ACACB: variants seen among roughly 807,000 people sequenced by gnomAD.
ACACB encodes acetyl-CoA carboxylase 2.
ACACB carries 209 observed loss-of-function variants against 278.8 expected under a neutral mutation model. That is an observed-to-expected ratio of 0.75 (90% CI 0.67 to 0.84). The LOEUF is 0.84. Ranked by LOEUF, ACACB falls within the 40% of genes least tolerant of loss-of-function variation. The pLI, the probability that ACACB is intolerant of heterozygous loss-of-function variation, is 0.00. For synonymous variants in ACACB, 1,174 were observed against 1,285.6 expected, an observed-to-expected ratio of 0.91 and a Z score of 1.86; for missense variants, 2,850 against 3,269.0, an observed-to-expected ratio of 0.87 and a Z score of 3.13.
Position 109,172,226 on chromosome 12 carries a change from G to A in ACACB, c.1036-49G>A, listed in dbSNP as rs772962569. The A allele has an allele frequency of 4.5e-6, 7 of 1,569,694 alleles. No homozygotes were observed. In the Admixed American group the frequency reaches 5.0e-5, roughly 11 times the overall value. On this transcript the variant is annotated intron_variant, in intron 5 of 52. Coordinates refer to ENST00000338432, the MANE Select transcript of ACACB (RefSeq NM_001093.4). ...CGTGAGTTACTGCACCTGGCTGGGA[G>A]GCATATTCTTGAAGGAAGATTGTTG...
At chr12:109,198,017 TCCC>T (rs1196346490) in intron 17 of ACACB, among the ~76,000 whole-genome samples, 1 of 151,950 alleles carries the variant, frequency 6.6e-6, no homozygotes, top group Non-Finnish European at 1.5e-5. Context: ...CCCACCTCAG[TCCC>T]CCAAGTTGCT....
intron 2 of ACACB, among the ~76,000 whole-genome samples, chr12:109,161,579 T>C (rs2043723119): frequency 6.6e-6 from 1 of 152,000 alleles, no homozygotes; most frequent in Admixed American, 6.6e-5. Context: ...GAAATAATTA[T>C]ATCAAAAGAC....
At chr12:109,170,467 A>G (rs2044073991) in intron 4 of ACACB, among the ~76,000 whole-genome samples, 1 of 152,216 alleles carries the variant, frequency 6.6e-6, no homozygotes, top group African/African-American at 2.4e-5. Flanking sequence ...AGCCTTAAAA[A>G]GGAAGGAAAT....
chr12:109,210,471 A>G (rs1463920558), intron 21 of ACACB, among the ~76,000 whole-genome samples: 2 of 147,924 alleles, frequency 1.4e-5, no homozygotes, highest in African/African-American at 2.5e-5. Flanking sequence ...ATACGCACAT[A>G]CATGTGTATA....
intron 13 of ACACB, chr12:109,191,410 C>T (rs1025562242): frequency 1.5e-5 from 7 of 476,364 alleles, no homozygotes; most frequent in Admixed American, 3.5e-5. Flanking sequence ...GATGGGGTTT[C>T]GCCATGTTGG....
intron 40 of ACACB, among the ~76,000 whole-genome samples, chr12:109,247,904 G>A (rs2046991903): frequency 6.6e-6 from 1 of 152,180 alleles, no homozygotes; most frequent in Admixed American, 6.5e-5. Context: ...TAAAATGAGT[G>A]ACTCCTTTCA....
chr12:109,234,094 G>T (rs1286524016), intron 31 of ACACB, 49 bp downstream of exon 31: 1 of 1,485,786 alleles, frequency 6.7e-7, no homozygotes, highest in Non-Finnish European at 9.2e-7. Flanking sequence ...GGAGAAGGAG[G>T]AGGGGCTGGG....
intron 19 of ACACB, 139 bp downstream of exon 19, chr12:109,201,840 A>T: frequency 8.4e-7 from 1 of 1,186,240 alleles, no homozygotes; most frequent in Non-Finnish European, 1.2e-6. Flanking sequence ...CGCAGCAGCC[A>T]CCGTGATGGT....
At chr12:109,131,282 T>A (rs1328461620) in intron 1 of ACACB, 1 of 152,680 alleles carries the variant, frequency 6.5e-6, no homozygotes, top group Non-Finnish European at 1.5e-5. Context: ...TGCTGGCCGG[T>A]CCAAGCCCCA....
chr12:109,117,070 T>TTA (rs2042420932), intron 1 of ACACB, among the ~76,000 whole-genome samples: 2 of 147,476 alleles, frequency 1.4e-5, no homozygotes, highest in African/African-American at 2.5e-5. Context: ...TTTTTTTTTT[T>TTA]AAAGCAGACT....
intron 15 of ACACB, 138 bp from the exon 16 acceptor site, chr12:109,193,510 G>A (rs761013024): frequency 3.6e-4 from 244 of 679,920 alleles, no homozygotes; most frequent in Non-Finnish European, 5.6e-4. Flanking sequence ...GAGCCATTGC[G>A]CCCAGCCCAG....
intron 1 of ACACB, among the ~76,000 whole-genome samples, chr12:109,117,049 T>TG (rs2042420006): frequency 7.0e-6 from 1 of 142,960 alleles, no homozygotes; most frequent in African/African-American, 2.6e-5. Flanking sequence ...TGGTTGTTCT[T>TG]TTTTTTTTTT....
chr12:109,197,953 G>A (rs575050277), intron 17 of ACACB, among the ~76,000 whole-genome samples: 2 of 152,204 alleles, frequency 1.3e-5, no homozygotes, highest in East Asian at 3.9e-4. Context: ...GGAGTGCAGT[G>A]GCACCATCAT....
At chr12:109,208,275 G>C (rs1448644152) in intron 20 of ACACB, among the ~76,000 whole-genome samples, 1 of 151,074 alleles carries the variant, frequency 6.6e-6, no homozygotes, top group Non-Finnish European at 1.5e-5. Flanking sequence ...GGAGTACAGT[G>C]GGGGAAACAC....
chr12:109,138,000 T>G (rs566813627), intron 1 of ACACB, among the ~76,000 whole-genome samples: 2 of 151,962 alleles, frequency 1.3e-5, no homozygotes, highest in Non-Finnish European at 2.9e-5. Context: ...CAGGTTCAAG[T>G]GATTCTCATG....
intron 17 of ACACB, among the ~76,000 whole-genome samples, chr12:109,199,107 G>A (rs866187074): frequency 6.6e-6 from 1 of 151,898 alleles, no homozygotes; most frequent in Admixed American, 6.6e-5. Flanking sequence ...GGAGAATGGC[G>A]TGAACCCGGG....
intron 2 of ACACB, among the ~76,000 whole-genome samples, chr12:109,160,813 G>A (rs539317976): frequency 1.3e-5 from 2 of 152,338 alleles, no homozygotes; most frequent in African/African-American, 4.8e-5. Context: ...CCTAGCCTGC[G>A]GTAATGGGCT....
chr12:109,240,087 G>C (rs2046751434), intron 35 of ACACB, 102 bp downstream of exon 35: 2 of 1,393,104 alleles, frequency 1.4e-6, no homozygotes, highest in Admixed American at 4.3e-5. Flanking sequence ...TGGGTTCCAG[G>C]ATGAAACCAT....
At position 109,226,117 on chromosome 12, in the gene ACACB, C is replaced by CA. The variant is rs910473319; in HGVS notation, c.3883-1246dup. ...TCCTTTCTTTACTAAATATAAAAAACAAAAAAAATTAGCCAGGTGTGGTGG... is the reference window on the plus strand; with the variant it reads ...TCCTTTCTTTACTAAATATAAAAAACAAAAAAAAATTAGCCAGGTGTGGTGG... On this transcript the variant is annotated intron_variant, in intron 27 of 52. Coordinates refer to ENST00000338432, the MANE Select transcript of ACACB (RefSeq NM_001093.4). 7.3e-5 allele frequency among the ~76,000 whole-genome samples: 11 copies of CA among 150,996 alleles called. No homozygotes were observed. In the East Asian group the frequency reaches 2.0e-3, roughly 27 times the overall value.
Sources: allele counts gnomAD v4.1 joint callset (sites outside exome capture counted in the v4.1 genomes callset), GRCh38; gene constraint gnomAD v4.1.1; transcripts MANE v1.5; gene names NCBI Gene and HGNC (gene_info 2026-07-23, HGNC 2026-07-21).